SRPK2: variants seen among roughly 807,000 people sequenced by gnomAD.
SRPK2 encodes SRSF protein kinase 2, also known as SFRS protein kinase 2.
SRPK2 carries 21 observed loss-of-function variants against 90.8 expected under a neutral mutation model. That is an observed-to-expected ratio of 0.23 (90% CI 0.16 to 0.33). SRPK2 has a LOEUF of 0.33. Ranked by LOEUF, SRPK2 falls within the 10% of genes least tolerant of loss-of-function variation. The pLI, the probability that SRPK2 is intolerant of heterozygous loss-of-function variation, is 1.00. For synonymous variants in SRPK2, 288 were observed against 311.1 expected, an observed-to-expected ratio of 0.93 and a Z score of 0.78; for missense variants, 620 against 869.0, an observed-to-expected ratio of 0.71 and a Z score of 3.60.
rs1799713549 is a variant in SRPK2 at position 105,117,196 on chromosome 7, A to G, written c.*642T>C. ...CCAGAGCCACTTTGTTTAAAATCCA[A>G]TGTGAAAAGACTGTTATGGAATGAA... On this transcript the variant is annotated 3_prime_UTR_variant, in exon 16 of 16. Coordinates refer to ENST00000393651, the MANE Select transcript of SRPK2 (RefSeq NM_182692.3). 1 of 152,322 alleles carries G rather than the reference A, an allele frequency of 6.6e-6. No individual in the cohort carries two copies. Among genetic ancestry groups the G allele is most frequent in the African/African-American group, 2.4e-5 (1 of 41,456 alleles). 9.4% of individuals were successfully genotyped at this position (152,322 alleles called of 1,614,324 possible).
intron 7 of SRPK2, among the ~76,000 whole-genome samples, chr7:105,155,040 G>A (rs1036125398): frequency 6.7e-6 from 1 of 150,142 alleles, no homozygotes; most frequent in Non-Finnish European, 1.5e-5. Context: ...GAGTGCAATG[G>A]CACGATCTCG....
intron 2 of SRPK2, among the ~76,000 whole-genome samples, chr7:105,276,199 G>C (rs1806469220): frequency 6.6e-6 from 1 of 151,728 alleles, no homozygotes; most frequent in Admixed American, 6.6e-5. Flanking sequence ...CTCTACCTCA[G>C]CCTCCTGAGT....
At chr7:105,304,387 C>T (rs1364097685) in intron 2 of SRPK2, 2 of 152,180 alleles carry the variant, frequency 1.3e-5, no homozygotes, top group Non-Finnish European at 2.9e-5. Flanking sequence ...TGAACATATT[C>T]AAATCCTAAA....
chr7:105,314,806 A>G (rs994488214), intron 2 of SRPK2, among the ~76,000 whole-genome samples: 4 of 152,394 alleles, frequency 2.6e-5, no homozygotes, highest in African/African-American at 9.6e-5. Context: ...ACCTGTAAAC[A>G]TAAATGTCGA....
chr7:105,125,093 C>T (rs1459145275), intron 15 of SRPK2, among the ~76,000 whole-genome samples: 2 of 147,828 alleles, frequency 1.4e-5, no homozygotes, highest in Non-Finnish European at 3.0e-5. Context: ...TTGCGCCACT[C>T]CACTCCAGCC....
rs1809374964 is a variant in SRPK2 at position 105,293,599 on chromosome 7, T to C, written c.72-89814A>G. Among the ~76,000 whole-genome samples, 4 of 151,946 alleles carry C rather than the reference T, an allele frequency of 2.6e-5. No homozygotes were observed. In the South Asian group the frequency reaches 6.2e-4, roughly 24 times the overall value. ...CACACTCGGCTGATTGTTGTATTTT[T>C]AGTAGAGACGGGTTTCCACCATGTT... On this transcript the variant is annotated intron_variant, in intron 2 of 15. Transcript: ENST00000393651.
intron 2 of SRPK2, among the ~76,000 whole-genome samples, chr7:105,248,307 T>C (rs1801990935): frequency 6.6e-6 from 1 of 152,082 alleles, no homozygotes; most frequent in African/African-American, 2.4e-5. Flanking sequence ...AGAAAAGAAC[T>C]GGATTAGGGG....
At chr7:105,178,015 C>A (rs994439126) in intron 3 of SRPK2, among the ~76,000 whole-genome samples, 1 of 139,638 alleles carries the variant, frequency 7.2e-6, no homozygotes, top group African/African-American at 2.7e-5. Flanking sequence ...GGCGACTGAG[C>A]GAGACTCCGT....
At chr7:105,159,978 G>C (rs1242856269) in intron 7 of SRPK2, among the ~76,000 whole-genome samples, 1 of 152,114 alleles carries the variant, frequency 6.6e-6, no homozygotes, top group Admixed American at 6.6e-5. Flanking sequence ...TACATGATGA[G>C]AACATTCAAG....
At chr7:105,156,418 A>G (rs1806496949) in intron 7 of SRPK2, among the ~76,000 whole-genome samples, 1 of 152,244 alleles carries the variant, frequency 6.6e-6, no homozygotes, top group African/African-American at 2.4e-5. Context: ...CATAGTAAGC[A>G]CTGAATTAAC....
At chr7:105,240,538 T>C (rs1800671603) in intron 2 of SRPK2, among the ~76,000 whole-genome samples, 1 of 152,070 alleles carries the variant, frequency 6.6e-6, no homozygotes, top group Non-Finnish European at 1.5e-5. Flanking sequence ...TTATGTTTTC[T>C]ACATATAAAC....
At chr7:105,330,398 GT>G (rs999385483) in intron 2 of SRPK2, among the ~76,000 whole-genome samples, 19 of 151,526 alleles carry the variant, frequency 1.3e-4, no homozygotes, top group African/African-American at 4.6e-4. Context: ...AATAAAACCA[GT>G]AACAACATAA....
Position 105,216,966 on chromosome 7 carries a change from T to C in SRPK2, c.72-13181A>G, listed in dbSNP as rs1797549419. 1.3e-5 allele frequency among the ~76,000 whole-genome samples: 2 copies of C among 152,224 alleles called. 1 individual carries two copies. Among genetic ancestry groups the C allele is most frequent in the South Asian group, 4.1e-4 (2 of 4,832 alleles). ...TGGTAACTGTGTACATGGTAGGCAT[T>C]CAATAAAGGTTAATCCTCACCTCCC... On this transcript the variant is annotated intron_variant, in intron 2 of 15. Coordinates refer to ENST00000393651, the MANE Select transcript of SRPK2 (RefSeq NM_182692.3).
In SRPK2 at chr7:105,397,660, G is replaced by T. The variant is rs180996127; in HGVS notation, n.153+1496C>A. Among the ~76,000 whole-genome samples, 806 of 145,518 alleles carry T rather than the reference G, an allele frequency of 5.5e-3. 17 individuals carry two copies. The East Asian group carries it at 0.069, about 13-fold the overall frequency. On this transcript the variant is annotated intron_variant and non_coding_transcript_variant, in intron 1 of 3. Coordinates refer to the SRPK2 transcript ENST00000462282. ...ATATTTTAAAGTAATTTTTTTTTTTGGGAGACTGAGTCTCACTCTATCACC... is the reference window on the plus strand; with the variant it reads ...ATATTTTAAAGTAATTTTTTTTTTTTGGAGACTGAGTCTCACTCTATCACC...
At chr7:105,303,303 A>C (rs989578139) in intron 2 of SRPK2, among the ~76,000 whole-genome samples, 2 of 151,868 alleles carry the variant, frequency 1.3e-5, no homozygotes, top group Non-Finnish European at 2.9e-5. Context: ...ATCACACACC[A>C]GGGCCTGTCG....
chr7:105,247,564 A>ACACAC (rs1554478410), intron 2 of SRPK2, among the ~76,000 whole-genome samples: 1 of 151,474 alleles, frequency 6.6e-6, no homozygotes, highest in Non-Finnish European at 1.5e-5. Context: ...ACACACACAG[A>ACACAC]AGTTATACCT....
At chr7:105,314,078 T>C (rs1231283905) in intron 2 of SRPK2, among the ~76,000 whole-genome samples, 1 of 152,072 alleles carries the variant, frequency 6.6e-6, no homozygotes, top group African/African-American at 2.4e-5. Context: ...GGCGTGGTGG[T>C]TCACACACTT....
chr7:105,301,486 C>T (rs1484186060), intron 2 of SRPK2: 5 of 1,090,118 alleles, frequency 4.6e-6, no homozygotes, highest in East Asian at 2.3e-5. Flanking sequence ...TTGCAAGCAC[C>T]GTCCACTCAG....
At chr7:105,134,748 G>C (rs962889421) in intron 11 of SRPK2, among the ~76,000 whole-genome samples, 1 of 152,172 alleles carries the variant, frequency 6.6e-6, no homozygotes, top group African/African-American at 2.4e-5. Context: ...TGCCCACACA[G>C]CTCCCTAGGG....
Sources: allele counts gnomAD v4.1 joint callset (sites outside exome capture counted in the v4.1 genomes callset), GRCh38; gene constraint gnomAD v4.1.1; transcripts MANE v1.5; gene names NCBI Gene and HGNC (gene_info 2026-07-23, HGNC 2026-07-21).